HNRNPLL: variants seen among roughly 807,000 people sequenced by gnomAD.
HNRNPLL encodes the protein heterogeneous nuclear ribonucleoprotein L-like.
A neutral mutation model predicts 67.1 loss-of-function variants in HNRNPLL; 25 were observed. The ratio of observed to expected loss-of-function variants is 0.37; its 90% CI spans 0.27 to 0.52. The LOEUF (loss-of-function observed/expected upper bound fraction) is 0.52, where lower values mean the gene tolerates loss of function less well. HNRNPLL is among the 20% of genes least tolerant of loss of function. The pLI is 0.90. For missense variants in HNRNPLL, 542 were observed against 673.9 expected (o/e 0.80, Z 2.17); for synonymous variants, 267 against 241.7 (o/e 1.10, Z -0.97).
chr2:38,573,293 C>A lies in HNRNPLL; in HGVS notation c.1009G>T (p.Val337Leu), dbSNP rs775026602. 1 of 1,612,164 alleles carries A rather than the reference C, an allele frequency of 6.2e-7. No individual in the cohort carries two copies. Among genetic ancestry groups the A allele is most frequent in the East Asian group, 2.2e-5 (1 of 44,806 alleles). ...MHGGNPSGSV[V>L]MVSGLHQLKM... Reference sequence around the variant, plus strand: ...AGTTGATGTAATCCACTAACCATTACAACTGAACCAGAGGGATTTCCTCCA... The same window carrying A: ...AGTTGATGTAATCCACTAACCATTAAAACTGAACCAGAGGGATTTCCTCCA... Residue 337 changes from valine to leucine, a missense_variant, in exon 8 of 13, where the codon GTA becomes TTA. Val to Leu is a conservative substitution (Grantham distance 32, BLOSUM62 1). This residue lies in a region of HNRNPLL where 415 missense variants were observed against 575.2 expected (regional missense o/e 0.72). Coordinates refer to ENST00000449105, the MANE Select transcript of HNRNPLL (RefSeq NM_138394.4).
chr2:38,582,206 ATACT>A (rs1338971270), intron 4 of HNRNPLL, 38 bp from the exon 5 acceptor site: 1 of 1,306,258 alleles, frequency 7.7e-7, no homozygotes, highest in South Asian at 1.2e-5. Context: ...AAGGTATCTG[ATACT>A]TAATCATTAT....
chr2:38,585,458 G>A (rs1378090860), intron 3 of HNRNPLL, among the ~76,000 whole-genome samples, 186 bp downstream of exon 3: 1 of 152,006 alleles, frequency 6.6e-6, no homozygotes, highest in East Asian at 1.9e-4. Context: ...TGACAACTGT[G>A]CTTATCTTTT....
intron 1 of HNRNPLL, chr2:38,599,820 T>C (rs1429081208): frequency 4.4e-6 from 2 of 459,560 alleles, no homozygotes; most frequent in South Asian, 3.2e-5. Flanking sequence ...AACCAAGCAA[T>C]GTAAATCTTC....
At chr2:38,591,849 G>T (rs1329632557) in intron 1 of HNRNPLL, among the ~76,000 whole-genome samples, 1 of 152,158 alleles carries the variant, frequency 6.6e-6, no homozygotes, top group South Asian at 2.1e-4. Flanking sequence ...GGTGGCACGT[G>T]TCTGTAATCC....
At chr2:38,596,143 T>C (rs1667179419) in intron 1 of HNRNPLL, among the ~76,000 whole-genome samples, 1 of 152,178 alleles carries the variant, frequency 6.6e-6, no homozygotes, top group South Asian at 2.1e-4. Context: ...ACTATTTGTC[T>C]ACCATCATCC....
chr2:38,564,644 T>TAAAAA (rs1665784888), intron 12 of HNRNPLL, among the ~76,000 whole-genome samples: 1 of 137,376 alleles, frequency 7.3e-6, no homozygotes, highest in South Asian at 2.2e-4. Flanking sequence ...AAAAGTAAAA[T>TAAAAA]TTCTAAGTAA....
At chr2:38,601,496 G>A (rs1360539956) in intron 1 of HNRNPLL, 1 of 152,108 alleles carries the variant, frequency 6.6e-6, no homozygotes, top group East Asian at 1.9e-4. Context: ...CATTAAAACC[G>A]CTTAAGTGCA....
Position 38,563,011 on chromosome 2 carries a change from T to C in HNRNPLL, c.*1171A>G, listed in dbSNP as rs921757853. On this transcript the variant is annotated 3_prime_UTR_variant, in exon 13 of 13. Transcript: ENST00000449105. ...TCAGTTATTCTAGGTAGATGACACATATTCTCCCTTCTTTTAAAGATGAAA... is the reference window on the plus strand; with the variant it reads ...TCAGTTATTCTAGGTAGATGACACACATTCTCCCTTCTTTTAAAGATGAAA... 1 of 152,116 alleles carries C rather than the reference T, an allele frequency of 6.6e-6. No individual in the cohort carries two copies. Among genetic ancestry groups the C allele is most frequent in the Non-Finnish European group, 1.5e-5 (1 of 67,946 alleles). 9.4% of individuals were successfully genotyped at this position (152,116 alleles called of 1,614,324 possible).
chr2:38,582,724 A>G (rs1394371004), intron 4 of HNRNPLL, among the ~76,000 whole-genome samples: 1 of 152,140 alleles, frequency 6.6e-6, no homozygotes, highest in African/African-American at 2.4e-5. Context: ...GTTCGAGACC[A>G]GCCTGGCCAA....
intron 1 of HNRNPLL, among the ~76,000 whole-genome samples, chr2:38,599,026 T>C (rs1008963949): frequency 6.6e-6 from 1 of 152,184 alleles, no homozygotes; most frequent in African/African-American, 2.4e-5. Context: ...CCTCATCCCA[T>C]CTCCCAACCC....
chr2:38,585,519 AATTTTCAAAATTAAAAAAACT>A (rs1358260002), intron 3 of HNRNPLL, 104 bp downstream of exon 3: 3 of 622,210 alleles, frequency 4.8e-6, no homozygotes, highest in South Asian at 2.0e-5. Flanking sequence ...TGTTAAGATT[AATTTTCAAAATTAAAAAAACT>A]ATTTTCTAGT....
intron 7 of HNRNPLL, among the ~76,000 whole-genome samples, chr2:38,576,758 GCTTCAA>G (rs1666316629): frequency 6.6e-6 from 1 of 151,804 alleles, no homozygotes; most frequent in Admixed American, 6.6e-5. Flanking sequence ...ATAGTATTGT[GCTTCAA>G]CTTTAAAGCA....
intron 12 of HNRNPLL, among the ~76,000 whole-genome samples, chr2:38,567,788 A>T (rs2148335885): frequency 6.6e-6 from 1 of 152,332 alleles, no homozygotes; most frequent in Non-Finnish European, 1.5e-5. Context: ...GTCAGCTACC[A>T]TCAAAAGGCC....
chr2:38,574,812 A>G (rs1349774508), intron 7 of HNRNPLL, among the ~76,000 whole-genome samples: 2 of 151,894 alleles, frequency 1.3e-5, no homozygotes, highest in Non-Finnish European at 2.9e-5. Flanking sequence ...AAAACAATCC[A>G]TATGAGCGAC....
chr2:38,580,137 C>G (rs1425608173), intron 6 of HNRNPLL, among the ~76,000 whole-genome samples: 2 of 152,032 alleles, frequency 1.3e-5, no homozygotes, highest in Admixed American at 1.3e-4. Flanking sequence ...AAAATGTAAC[C>G]ACAACTATTT....
In HNRNPLL at chr2:38,568,304, C is replaced by CA. The variant is rs762104385; in HGVS notation, c.1475-8dup. ...GAAAGTGTTTTGGCTGAAGCTAAAA[C>CA]AAAAAAACACAAACTCAGTTATTAT... is the stretch of plus-strand genomic sequence containing the variant. On this transcript the variant is annotated splice_polypyrimidine_tract_variant and splice_region_variant and intron_variant, in intron 11 of 12. Transcript: ENST00000449105. 38 of 1,609,956 alleles carry CA rather than the reference C, an allele frequency of 2.4e-5. No homozygotes were observed. The highest frequency in any genetic ancestry group is 5.4e-5 in the African/African-American group (4 of 74,658).
intron 6 of HNRNPLL, among the ~76,000 whole-genome samples, chr2:38,580,636 G>A (rs1289592023): frequency 6.6e-6 from 1 of 152,140 alleles, no homozygotes; most frequent in African/African-American, 2.4e-5. Context: ...TTAAGATGTA[G>A]CCAATACTGC....
In HNRNPLL at chr2:38,581,982, T is replaced by C. The variant is rs745446803; in HGVS notation, c.733A>G (p.Thr245Ala). The C allele has an allele frequency of 1.9e-6, 3 of 1,611,742 alleles. No individual in the cohort carries two copies. Among genetic ancestry groups the C allele is most frequent in the African/African-American group, 1.3e-5 (1 of 74,992 alleles). The change falls in exon 6 of 13, where the codon ACT (threonine) becomes GCT (alanine). Residue 245 changes from threonine to alanine, a missense_variant. Physicochemically the swap from Thr to Ala is moderately conservative, Grantham distance 58. Around this residue, in one of 2 missense-constraint regions of HNRNPLL, gnomAD observed 415 missense variants for 575.2 expected, o/e 0.72. Coordinates refer to ENST00000449105, the MANE Select transcript of HNRNPLL (RefSeq NM_138394.4). ...TCATTCCTAATAACATTTAGACGAG[T>C]TGGCTGTTAAGATTGAAAATAATGT... ...CTLKIEYARP[T>A]RLNVIRNDND...
intron 2 of HNRNPLL, among the ~76,000 whole-genome samples, chr2:38,588,367 G>A (rs1475235019): frequency 6.6e-6 from 1 of 151,584 alleles, no homozygotes; most frequent in African/African-American, 2.4e-5. Context: ...GGCCAAGATG[G>A]TGAAACCCTG....
Sources: gnomAD v4.1 joint callset for allele counts (sites outside exome capture counted in the v4.1 genomes callset) on GRCh38, gnomAD v4.1.1 for gene constraint, gnomAD v4.1.1 regional missense constraint, MANE v1.5 for transcripts, NCBI Gene and HGNC (gene_info 2026-07-23, HGNC 2026-07-21) for gene names.